EPB41L2: variants seen among roughly 807,000 people sequenced by gnomAD.
EPB41L2 encodes erythrocyte membrane protein band 4.1 like 2.
EPB41L2 carries 43 observed loss-of-function variants against 113.0 expected under a neutral mutation model. That is an observed-to-expected ratio of 0.38 (90% CI 0.30 to 0.49). EPB41L2 has a LOEUF of 0.49. Ranked by LOEUF, EPB41L2 falls within the 20% of genes least tolerant of loss-of-function variation. The probability of loss-of-function intolerance (pLI) is 0.95; values close to 1 mark genes in which losing one functional copy is unlikely to be tolerated. For missense variants in EPB41L2, 1,147 were observed against 1,223.4 expected (o/e 0.94, Z 0.93); for synonymous variants, 442 against 436.7 (o/e 1.01, Z -0.15).
At chr6:130,865,395 T>C (rs2128439170) in intron 17 of EPB41L2, 141 bp downstream of exon 17, 3 of 765,856 alleles carry the variant, frequency 3.9e-6, no homozygotes, top group Non-Finnish European at 3.9e-6. Context: ...ATTTCTTGGA[T>C]ACTTTAAACC....
chr6:130,948,374 G>A (rs1033028298), intron 3 of EPB41L2, among the ~76,000 whole-genome samples: 3 of 152,178 alleles, frequency 2.0e-5, no homozygotes, highest in Admixed American at 6.5e-5. Context: ...ATTCCAAAAC[G>A]AGATCCGAGA....
At position 130,890,478 on chromosome 6, in the gene EPB41L2, A is replaced by G. The variant is rs78440671; in HGVS notation, c.1488-12T>C. ...CTGGAGAAACAAGCCTATGGGAGGA[A>G]AAAAAAAAAAAAAGAGAGAGAGAAA... On this transcript the variant is annotated splice_polypyrimidine_tract_variant and intron_variant, in intron 10 of 19. Coordinates refer to ENST00000337057, the MANE Select transcript of EPB41L2 (RefSeq NM_001431.4). 1.7e-5 allele frequency: 6 copies of G among 344,738 alleles called. No individual in the cohort carries two copies. Among genetic ancestry groups the G allele is most frequent in the East Asian group, 2.7e-4 (1 of 3,678 alleles). The allele number at this position is 344,738 out of a possible 1,614,324, so 21.4% of individuals were successfully genotyped here. A position where few individuals can be genotyped will look rare whatever the true frequency, so the allele number is the denominator to read the frequency against.
chr6:131,043,245 G>A (rs899140873), intron 1 of EPB41L2, among the ~76,000 whole-genome samples: 2 of 152,078 alleles, frequency 1.3e-5, no homozygotes, highest in Non-Finnish European at 2.9e-5. Flanking sequence ...AGGTTGCAGT[G>A]AGCCAAAATC....
rs756444268 is a variant in EPB41L2, at chr6:130,865,609, G to C, written c.2756C>G (p.Ser919Trp). Residue 919 changes from serine to tryptophan, a missense_variant, in exon 17 of 20, where the codon TCG becomes TGG. Ser to Trp is a radical substitution (Grantham distance 177, BLOSUM62 -3). Transcript: ENST00000337057. ...PQIDGGAGGD[S>W]GTLLTAQTIT... ...GGTTTGTGCGGTCAGTAACGTGCCC[G>C]AATCACCACCAGCCCCGCCATCAAT... is the stretch of plus-strand genomic sequence containing the variant. 6.2e-7 allele frequency: 1 copy of C among 1,613,986 alleles called. No individual in the cohort carries two copies. The highest frequency in any genetic ancestry group is 1.3e-5 in the African/African-American group (1 of 74,912).
In EPB41L2 at chr6:130,878,089, T is replaced by C. The variant is rs202055164; in HGVS notation, c.2043+15A>G. 2.6e-4 allele frequency: 410 copies of C among 1,566,790 alleles called. 3 individuals are homozygous for C. The highest frequency in any genetic ancestry group is 9.9e-4 in the South Asian group (81 of 81,844). On this transcript the variant is annotated intron_variant, in intron 14 of 19. Transcript: ENST00000337057. The stretch of plus-strand genomic sequence containing the variant: ...ACTGAAGTGAGACAGAGCCAACAAA[T>C]AGCTAATGACATACCCCTTGTGTCT...
At chr6:130,959,881 T>C (rs1296918327) in intron 1 of EPB41L2, among the ~76,000 whole-genome samples, 4 of 152,240 alleles carry the variant, frequency 2.6e-5, no homozygotes, top group Non-Finnish European at 4.4e-5. Context: ...TTACTTTGGC[T>C]GTGAGAAATA....
intron 1 of EPB41L2, among the ~76,000 whole-genome samples, chr6:130,974,417 C>G (rs370481178): frequency 9.9e-5 from 15 of 152,118 alleles, no homozygotes; most frequent in African/African-American, 3.6e-4. Flanking sequence ...GCTATGGAAC[C>G]CAATGCTACT....
At chr6:130,870,479 G>T in intron 14 of EPB41L2, 1 of 1,246,990 alleles carries the variant, frequency 8.0e-7, no homozygotes, top group Non-Finnish European at 1.1e-6. Flanking sequence ...AAAACAGCAA[G>T]AATCAACATC....
At chr6:130,912,732 GC>G (rs1799805792) in intron 4 of EPB41L2, among the ~76,000 whole-genome samples, 1 of 152,046 alleles carries the variant, frequency 6.6e-6, no homozygotes, top group Admixed American at 6.5e-5. Context: ...CAAATGGCCA[GC>G]CTCGATAAGT....
chr6:130,929,857 T>TCACACACACACACACACACACACA, intron 3 of EPB41L2, among the ~76,000 whole-genome samples: 1 of 123,454 alleles, frequency 8.1e-6, no homozygotes. Context: ...AGACAGACAG[T>TCACACACACACACACACACACACA]CACACACACA....
chr6:131,038,505 T>TA (rs1793798613), intron 1 of EPB41L2, among the ~76,000 whole-genome samples: 1 of 152,210 alleles, frequency 6.6e-6, no homozygotes, highest in African/African-American at 2.4e-5. Flanking sequence ...GCTGGTTCTT[T>TA]AAAAATAAGT....
chr6:130,932,144 T>A (rs1378225656), intron 3 of EPB41L2, among the ~76,000 whole-genome samples: 2 of 152,178 alleles, frequency 1.3e-5, no homozygotes, highest in Non-Finnish European at 2.9e-5. Flanking sequence ...CATTATCTAA[T>A]CAAACTTTCT....
intron 1 of EPB41L2, among the ~76,000 whole-genome samples, chr6:130,996,190 T>A (rs1783057938): frequency 6.6e-6 from 1 of 152,216 alleles, no homozygotes; most frequent in African/African-American, 2.4e-5. Context: ...TGTAACAGGA[T>A]CTGTCCTATA....
intron 11 of EPB41L2, among the ~76,000 whole-genome samples, chr6:130,887,315 A>G (rs763674527): frequency 7.2e-5 from 11 of 152,192 alleles, no homozygotes; most frequent in African/African-American, 2.7e-4. Flanking sequence ...TACTCCCACT[A>G]AAGGGAAGAC....
At chr6:130,977,399 C>T (rs1242927547) in intron 1 of EPB41L2, among the ~76,000 whole-genome samples, 2 of 152,122 alleles carry the variant, frequency 1.3e-5, no homozygotes, top group Non-Finnish European at 2.9e-5. Flanking sequence ...GGATAGATGT[C>T]AGATTCTTAC....
At chr6:131,003,664 T>C (rs1011791373) in intron 1 of EPB41L2, among the ~76,000 whole-genome samples, 1 of 152,222 alleles carries the variant, frequency 6.6e-6, no homozygotes, top group Non-Finnish European at 1.5e-5. Flanking sequence ...TTTCTGGAAC[T>C]GTATGGTTTT....
intron 19 of EPB41L2, among the ~76,000 whole-genome samples, chr6:130,848,199 T>TCACACACACA (rs66469665): frequency 1.7e-3 from 198 of 113,504 alleles, no homozygotes; most frequent in African/African-American, 4.3e-3. Context: ...TCTCTCTCTC[T>TCACACACACA]CACACACACA....
intron 19 of EPB41L2, among the ~76,000 whole-genome samples, chr6:130,840,928 T>TA (rs1158788594): frequency 6.6e-6 from 1 of 152,132 alleles, no homozygotes; most frequent in Non-Finnish European, 1.5e-5. Flanking sequence ...TTTAAAGCTA[T>TA]ACTCAGGGAA....
chr6:130,982,745 G>A (rs2128678251), intron 1 of EPB41L2, among the ~76,000 whole-genome samples: 1 of 152,298 alleles, frequency 6.6e-6, no homozygotes, highest in African/African-American at 2.4e-5. Flanking sequence ...TGGTGAGAAA[G>A]CTTTCTGCTA....
Sources: allele counts gnomAD v4.1 joint callset (sites outside exome capture counted in the v4.1 genomes callset), GRCh38; gene constraint gnomAD v4.1.1; transcripts MANE v1.5; gene names NCBI Gene and HGNC (gene_info 2026-07-23, HGNC 2026-07-21).